Variants in TXNDC8 observed in about 807,000 individuals in gnomAD.
The protein encoded by TXNDC8 is thioredoxin domain-containing protein 8.
A neutral mutation model predicts 12.9 loss-of-function variants in TXNDC8; 15 were observed. The ratio of observed to expected loss-of-function variants is 1.16; its 90% CI spans 0.78 to 1.79. TXNDC8 has a LOEUF of 1.79. TXNDC8 is among the 40% of genes most tolerant of loss of function. TXNDC8 has a pLI of 0.00. For synonymous variants in TXNDC8, 40 were observed against 35.4 expected (o/e 1.13, Z -0.46); for missense variants, 128 against 113.2 (o/e 1.13, Z -0.59).
chr9:110,334,600 C>G (rs1006254691), intron 1 of TXNDC8, among the ~76,000 whole-genome samples: 6 of 152,020 alleles, frequency 3.9e-5, no homozygotes, highest in Non-Finnish European at 1.5e-5. Context: ...TCTAGCTGAC[C>G]CCACCTTAAA....
chr9:110,326,940 GCACACACACACACACA>G (rs377527245), intron 2 of TXNDC8, among the ~76,000 whole-genome samples: 6 of 142,922 alleles, frequency 4.2e-5, no homozygotes, highest in African/African-American at 1.0e-4. Flanking sequence ...TGCTACTCAT[GCACACACACACACACA>G]CACACACACA....
At chr9:110,328,337 G>A (rs895625906) in intron 2 of TXNDC8, among the ~76,000 whole-genome samples, 1 of 152,138 alleles carries the variant, frequency 6.6e-6, no homozygotes, top group Non-Finnish European at 1.5e-5. Context: ...TGAGGTTATG[G>A]GGTTGATTAT....
intron 2 of TXNDC8, among the ~76,000 whole-genome samples, 158 bp from the exon 4 acceptor site, chr9:110,326,398 A>T (rs961869864): frequency 1.3e-5 from 2 of 152,222 alleles, no homozygotes; most frequent in Non-Finnish European, 2.9e-5. Context: ...ACATTCCTTC[A>T]GGAATGTCAC....
chr9:110,325,125 C>A (rs557388750), intron 3 of TXNDC8, among the ~76,000 whole-genome samples: 2 of 151,550 alleles, frequency 1.3e-5, no homozygotes, highest in East Asian at 3.9e-4. Context: ...ATCCCCCCAC[C>A]CCCGAAAAAA....
chr9:110,334,322 T>C lies in TXNDC8; in HGVS notation c.25-2A>G. 1.2e-6 allele frequency: 2 copies of C among 1,610,250 alleles called. No individual in the cohort carries two copies. The highest frequency in any genetic ancestry group is 1.1e-5 in the South Asian group (1 of 90,880). On this transcript the variant is annotated splice_acceptor_variant, in intron 1 of 4. Transcript: ENST00000423740. LOFTEE classifies it high-confidence loss of function. ...TGTCAAAAATGTTTTAAATTCATTC[T>C]GAAAACAGAAAATAAATGAGGAAAT...
At position 110,337,697 on chromosome 9, in the gene TXNDC8, C is replaced by T. The variant is rs1839811975; in HGVS notation, c.24+76G>A. 5.8e-6 allele frequency: 8 copies of T among 1,371,542 alleles called. No homozygotes were observed. In the East Asian group the frequency reaches 1.1e-4, roughly 20 times the overall value. 85.0% of individuals were successfully genotyped at this position (1,371,542 alleles called of 1,614,324 possible). A position where few individuals can be genotyped will look rare whatever the true frequency, so the allele number is the denominator to read the frequency against. On this transcript the variant is annotated intron_variant, in intron 1 of 4. Transcript: ENST00000423740. ...GATAGAATACTGGATAGAGAGAACA[C>T]ATTCTTAAAGTTTTTCAAATCTGTT...
chr9:110,305,642 CT>C (rs1838427694), intron 3 of TXNDC8, among the ~76,000 whole-genome samples: 1 of 120,500 alleles, frequency 8.3e-6, no homozygotes, highest in South Asian at 2.8e-4. Flanking sequence ...CTTTTTCTTT[CT>C]TTCTATTTTC....
Position 110,303,546 on chromosome 9 carries a change from T to C in TXNDC8, c.*136A>G. 1 of 1,530,474 alleles carries C rather than the reference T, an allele frequency of 6.5e-7. No homozygotes were observed. The highest frequency in any genetic ancestry group is 1.4e-5 in the African/African-American group (1 of 72,768). The allele number at this position is 1,530,474 out of a possible 1,614,324, so 94.8% of individuals were successfully genotyped here. On this transcript the variant is annotated 3_prime_UTR_variant, in exon 5 of 5. Coordinates refer to ENST00000423740, the MANE Select transcript of TXNDC8 (RefSeq NM_001286946.2). ...TTACATTAATTCTTGAGTCTTGGCTTCCAATTTTTTAGCATCGGCTCCACA... is the reference window on the plus strand; with the variant it reads ...TTACATTAATTCTTGAGTCTTGGCTCCCAATTTTTTAGCATCGGCTCCACA...
At chr9:110,322,678 T>TCAG (rs1198869374) in intron 3 of TXNDC8, 1 of 985,260 alleles carries the variant, frequency 1.0e-6, no homozygotes, top group African/African-American at 1.7e-5. Flanking sequence ...CCAAACAATA[T>TCAG]CAGCAGCAGC....
chr9:110,320,996 G>A (rs1839073010), intron 3 of TXNDC8, among the ~76,000 whole-genome samples: 1 of 152,216 alleles, frequency 6.6e-6, no homozygotes, highest in South Asian at 2.1e-4. Context: ...CCTGCCAGAT[G>A]TTCATTCAAT....
At chr9:110,319,804 A>G (rs1169185671) in intron 3 of TXNDC8, among the ~76,000 whole-genome samples, 1 of 152,198 alleles carries the variant, frequency 6.6e-6, no homozygotes, top group Non-Finnish European at 1.5e-5. Context: ...TCCTCTTTCT[A>G]GCATACCACG....
At chr9:110,330,580 C>T (rs1047116126) in intron 2 of TXNDC8, among the ~76,000 whole-genome samples, 1 of 152,338 alleles carries the variant, frequency 6.6e-6, no homozygotes, top group East Asian at 1.9e-4. Flanking sequence ...TTAGCCTCTC[C>T]TTTTCCAGAA....
chr9:110,326,487 TG>T (rs1839322722), intron 2 of TXNDC8, among the ~76,000 whole-genome samples: 1 of 151,846 alleles, frequency 6.6e-6, no homozygotes. Context: ...AACCAGGAGG[TG>T]GGTAAGAGAT....
chr9:110,337,654 C>G (rs1368534702), intron 1 of TXNDC8, 119 bp downstream of exon 1: 29 of 923,716 alleles, frequency 3.1e-5, no homozygotes, highest in South Asian at 2.6e-4. Flanking sequence ...TAGAACTCTC[C>G]CCTTGCTACA....
At position 110,304,532 on chromosome 9, in the gene TXNDC8, C is replaced by T. The variant is rs1428606617; in HGVS notation, c.196G>A (p.Val66Ile). Residue 66 changes from valine (V) to isoleucine (I), a missense_variant and splice_region_variant, in exon 4 of 5, where the codon GTA becomes ATA. Coordinates refer to ENST00000423740, the MANE Select transcript of TXNDC8 (RefSeq NM_001286946.2). The stretch of plus-strand genomic sequence containing the variant: ...CTTTTGATTCTTGAGAATAGGGTTA[C>T]CTAAGTGTGGGTGCAGAATTTCATA... 1.2e-6 allele frequency: 2 copies of T among 1,605,168 alleles called. No individual in the cohort carries two copies. The highest frequency in any genetic ancestry group is 2.7e-5 in the African/African-American group (2 of 74,746).
intron 1 of TXNDC8, among the ~76,000 whole-genome samples, chr9:110,335,281 G>C (rs982101846): frequency 6.6e-6 from 1 of 151,912 alleles, no homozygotes; most frequent in Non-Finnish European, 1.5e-5. Context: ...TGTTCATCCA[G>C]GCTGGGGTGT....
rs780649747 is a variant in TXNDC8 at position 110,303,598 on chromosome 9, A to C, written c.*84T>G. 1 of 1,558,192 alleles carries C rather than the reference A, an allele frequency of 6.4e-7. No homozygotes were observed. Among genetic ancestry groups the C allele is most frequent in the Non-Finnish European group, 8.7e-7 (1 of 1,147,750 alleles). On this transcript the variant is annotated 3_prime_UTR_variant, in exon 5 of 5. Coordinates refer to ENST00000423740, the MANE Select transcript of TXNDC8 (RefSeq NM_001286946.2). ...AACTCAAAAATCTGTTCACAAATGC[A>C]CAAAGGTGAAACATTTATTGATTCA...
At chr9:110,319,164 C>G (rs1359761216) in intron 3 of TXNDC8, among the ~76,000 whole-genome samples, 9 of 152,132 alleles carry the variant, frequency 5.9e-5, no homozygotes, top group Admixed American at 5.9e-4. Context: ...CCTTTAGAGT[C>G]CTGCACGTAA....
rs543602087 is a variant in TXNDC8 at position 110,321,700 on chromosome 9, G to A, written c.195+4475C>T. Among the ~76,000 whole-genome samples the A allele has an allele frequency of 2.6e-3, 386 of 147,932 alleles. 1 individual carries two copies. The highest frequency in any genetic ancestry group is 8.8e-3 in the African/African-American group (355 of 40,268). ...CACCAGGAAAACAGTGGATGTTCAC[G>A]GACACCTTCCTAGTCAGTTCTATGA... On this transcript the variant is annotated intron_variant, in intron 3 of 4. Transcript: ENST00000423740.
Sources: allele counts gnomAD v4.1 joint callset (sites outside exome capture counted in the v4.1 genomes callset), GRCh38; gene constraint gnomAD v4.1.1; transcripts MANE v1.5; gene names NCBI Gene and HGNC (gene_info 2026-07-23, HGNC 2026-07-21).